The following SHB variants were observed in gnomAD, a reference collection of about 807,000 sequenced individuals.
The protein encoded by SHB is SH2 domain-containing adapter protein B.
SHB carries 20 observed loss-of-function variants against 52.3 expected under a neutral mutation model. That is an observed-to-expected ratio of 0.38 (90% CI 0.27 to 0.56). The LOEUF (loss-of-function observed/expected upper bound fraction) is 0.56. Among genes scored for constraint, SHB ranks in the 20% least tolerant of loss-of-function variants. The pLI is 0.71. For synonymous variants in SHB, 397 were observed against 316.5 expected (o/e 1.25, Z -2.70); for missense variants, 825 against 723.3 (o/e 1.14, Z -1.61).
chr9:38,006,687 G>T (rs567720831), intron 2 of SHB, among the ~76,000 whole-genome samples: 1 of 152,186 alleles, frequency 6.6e-6, no homozygotes. Flanking sequence ...CTGAGCCCTC[G>T]CTGACAAACG....
At chr9:37,945,136 G>A (rs901905909) in intron 5 of SHB, among the ~76,000 whole-genome samples, 1 of 152,178 alleles carries the variant, frequency 6.6e-6, no homozygotes, top group Non-Finnish European at 1.5e-5. Flanking sequence ...CTCAGGGCAG[G>A]ACAAACTCAC....
intron 1 of SHB, among the ~76,000 whole-genome samples, chr9:38,043,628 A>G (rs1429126799): frequency 2.0e-5 from 3 of 152,062 alleles, no homozygotes; most frequent in Non-Finnish European, 4.4e-5. Flanking sequence ...AGTGGCTCAC[A>G]CCTGTAATCC....
At chr9:37,976,616 CT>C (rs1186616442) in intron 2 of SHB, among the ~76,000 whole-genome samples, 1 of 152,146 alleles carries the variant, frequency 6.6e-6, no homozygotes, top group East Asian at 1.9e-4. Flanking sequence ...ATGTTGTAGC[CT>C]GTGTATGACT....
chr9:37,997,117 C>T (rs189495831), intron 2 of SHB, among the ~76,000 whole-genome samples: 2 of 152,318 alleles, frequency 1.3e-5, no homozygotes, highest in East Asian at 3.9e-4. Flanking sequence ...CCTTAGGGGG[C>T]TCAGAAAGCC....
chr9:37,947,398 G>T (rs1832504910), intron 5 of SHB, among the ~76,000 whole-genome samples: 1 of 152,182 alleles, frequency 6.6e-6, no homozygotes, highest in South Asian at 2.1e-4. Context: ...TTGCAGAGCT[G>T]GAATCTGTCT....
At chr9:37,948,849 C>A in intron 4 of SHB, 95 bp from the exon 5 acceptor site, 2 of 1,516,902 alleles carry the variant, frequency 1.3e-6, no homozygotes, top group East Asian at 2.3e-5. Flanking sequence ...AGAGAGCCTC[C>A]CTGTACAAGC....
chr9:37,976,753 G>T (rs1373496613), intron 2 of SHB, among the ~76,000 whole-genome samples: 1 of 152,186 alleles, frequency 6.6e-6, no homozygotes, highest in Non-Finnish European at 1.5e-5. Flanking sequence ...GACTGTAAGT[G>T]AGCTATTTCA....
intron 2 of SHB, among the ~76,000 whole-genome samples, chr9:37,990,481 A>G (rs1164331847): frequency 6.6e-6 from 1 of 152,260 alleles, no homozygotes; most frequent in Non-Finnish European, 1.5e-5. Flanking sequence ...GTGAAATGGA[A>G]TAACATAAAC....
In SHB at chr9:37,917,160, T is replaced by C. The variant is rs1397004931; in HGVS notation, c.*2661A>G. 2.0e-5 allele frequency among the ~76,000 whole-genome samples: 3 copies of C among 152,130 alleles called. No individual in the cohort carries two copies. Among genetic ancestry groups the C allele is most frequent in the African/African-American group, 7.2e-5 (3 of 41,422 alleles). On this transcript the variant is annotated 3_prime_UTR_variant, in exon 6 of 6. Transcript: ENST00000377707. Reference sequence around the variant, plus strand: ...TGTCCAAGAAAACATGAATACAGGCTGACACAGGAAACGGTCACAATTAGA... The same window carrying C: ...TGTCCAAGAAAACATGAATACAGGCCGACACAGGAAACGGTCACAATTAGA...
Position 38,016,995 on chromosome 9 carries a change from T to C in SHB, c.718-864A>G, listed in dbSNP as rs113750761. On this transcript the variant is annotated intron_variant, in intron 1 of 5. Coordinates refer to ENST00000377707, the MANE Select transcript of SHB (RefSeq NM_003028.3). The stretch of plus-strand genomic sequence containing the variant: ...CCCATGAGAACCTGAGTATCTGGGA[T>C]TCTAACACTTCAGAGACCACCGTTC... Among the ~76,000 whole-genome samples, 26 of 152,332 alleles carry C rather than the reference T, an allele frequency of 1.7e-4. 2 individuals are homozygous for C. The highest frequency in any genetic ancestry group is 6.3e-4 in the African/African-American group (26 of 41,574).
chr9:38,057,276 C>T (rs576103211), intron 1 of SHB, among the ~76,000 whole-genome samples: 5 of 152,032 alleles, frequency 3.3e-5, no homozygotes, highest in African/African-American at 1.2e-4. Context: ...AAAATATAGA[C>T]GGTATCACTT....
intron 1 of SHB, among the ~76,000 whole-genome samples, chr9:38,033,998 C>T (rs1587255194): frequency 1.3e-5 from 2 of 152,168 alleles, no homozygotes; most frequent in Admixed American, 1.3e-4. Context: ...TGAATGAGCT[C>T]GGGTAATAAC....
intron 2 of SHB, among the ~76,000 whole-genome samples, chr9:38,002,700 A>G (rs1332151804): frequency 6.6e-6 from 1 of 152,194 alleles, no homozygotes; most frequent in Non-Finnish European, 1.5e-5. Context: ...AGAGAGGGGA[A>G]AGGTTCTAAT....
intron 5 of SHB, among the ~76,000 whole-genome samples, chr9:37,943,882 C>G (rs896877584): frequency 6.6e-6 from 1 of 152,230 alleles, no homozygotes; most frequent in Non-Finnish European, 1.5e-5. Context: ...AAGACTCATT[C>G]GCAGGCCAAA....
chr9:38,050,154 C>T (rs1410451599), intron 1 of SHB, among the ~76,000 whole-genome samples: 1 of 152,154 alleles, frequency 6.6e-6, no homozygotes, highest in Admixed American at 6.5e-5. Context: ...CAAGTCTCAC[C>T]CTGTAATCTT....
chr9:37,969,570 A>G (rs1407650306), intron 3 of SHB, among the ~76,000 whole-genome samples: 3 of 152,180 alleles, frequency 2.0e-5, no homozygotes, highest in African/African-American at 7.2e-5. Flanking sequence ...GTTCATGCCC[A>G]GTCCTCACAC....
chr9:38,046,879 G>C (rs966937520), intron 1 of SHB, among the ~76,000 whole-genome samples: 1 of 152,202 alleles, frequency 6.6e-6, no homozygotes, highest in African/African-American at 2.4e-5. Context: ...ACAGGAACCT[G>C]CGGTCTGGAG....
chr9:37,929,699 C>A (rs920134092), intron 5 of SHB, among the ~76,000 whole-genome samples: 1 of 152,188 alleles, frequency 6.6e-6, no homozygotes, highest in Non-Finnish European at 1.5e-5. Context: ...GCTCTGTGGC[C>A]GGATGACACG....
intron 2 of SHB, among the ~76,000 whole-genome samples, chr9:38,007,306 AT>A (rs1226335322): frequency 1.3e-5 from 2 of 152,194 alleles, no homozygotes; most frequent in African/African-American, 4.8e-5. Context: ...ATACTCATTC[AT>A]GCAATCGGTG....
Sources: allele counts gnomAD v4.1 joint callset (sites outside exome capture counted in the v4.1 genomes callset), GRCh38; gene constraint gnomAD v4.1.1; transcripts MANE v1.5; gene names NCBI Gene and HGNC (gene_info 2026-07-23, HGNC 2026-07-21).